NDUFV3: variants seen among roughly 807,000 people sequenced by gnomAD.
NDUFV3 encodes NADH dehydrogenase [ubiquinone] flavoprotein 3, mitochondrial.
A neutral mutation model predicts 37.5 loss-of-function variants in NDUFV3; 44 were observed. The ratio of observed to expected loss-of-function variants is 1.17; its 90% CI spans 0.92 to 1.51. The LOEUF (loss-of-function observed/expected upper bound fraction) is 1.51, where lower values mean the gene tolerates loss of function less well. NDUFV3 is among the 40% of genes most tolerant of loss of function. The probability of loss-of-function intolerance (pLI) is 0.00; values close to 1 mark genes in which losing one functional copy is unlikely to be tolerated. For synonymous variants in NDUFV3, 235 were observed against 239.3 expected, an observed-to-expected ratio of 0.98 and a Z score of 0.17; for missense variants, 580 against 580.4, an observed-to-expected ratio of 1.00 and a Z score of 0.01.
intron 3 of NDUFV3, chr21:42,906,913 G>A (rs541661571): frequency 1.5e-4 from 77 of 515,174 alleles, no homozygotes; most frequent in African/African-American, 1.4e-3. Flanking sequence ...ATGAGACATC[G>A]TTTTTGCTTA....
At chr21:42,894,342 A>G (rs1466812902) in intron 1 of NDUFV3, among the ~76,000 whole-genome samples, 1 of 52,108 alleles carries the variant, frequency 1.9e-5, no homozygotes, top group Admixed American at 2.1e-4. Flanking sequence ...TATTATATAT[A>G]TTATATATAA....
chr21:42,905,580 A>G (rs1429691819), intron 3 of NDUFV3, among the ~76,000 whole-genome samples: 1 of 152,138 alleles, frequency 6.6e-6, no homozygotes. Flanking sequence ...CAATGGCGCA[A>G]TCTTGGCTCA....
intron 2 of NDUFV3, among the ~76,000 whole-genome samples, chr21:42,901,621 C>T (rs1036707462): frequency 2.6e-5 from 4 of 151,118 alleles, no homozygotes; most frequent in Non-Finnish European, 5.9e-5. Context: ...AAAAAGAAAA[C>T]GAAATTTTAC....
rs1330245946 is a variant in NDUFV3 at position 42,903,484 on chromosome 21, A to G, written c.472A>G (p.Ser158Gly). ...GTCGCCTTCGTCTTCATCCTCTTCC[A>G]GCTCCTCTGATTCTGAATCTGATGA... ...VTSPSSSSSS[S>G]SSDSESDDEA... Residue 158 changes from serine to glycine, a missense_variant, in exon 3 of 4, where the codon AGC becomes GGC. Physicochemically the swap from Ser to Gly is moderately conservative, Grantham distance 56 (BLOSUM62 0). Coordinates refer to ENST00000354250, the MANE Select transcript of NDUFV3 (RefSeq NM_021075.4). 10 of 1,613,956 alleles carry G rather than the reference A, an allele frequency of 6.2e-6. No individual in the cohort carries two copies. Among genetic ancestry groups the G allele is most frequent in the Non-Finnish European group, 6.8e-6 (8 of 1,179,944 alleles).
At position 42,893,343 on chromosome 21, in the gene NDUFV3, C is replaced by T. The variant is rs573166856; in HGVS notation, c.10C>T (p.Pro4Ser). 307 of 1,538,506 alleles carry T rather than the reference C, an allele frequency of 2.0e-4. No homozygotes were observed. The African/African-American group carries it at 3.4e-3, about 17-fold the overall frequency. ...GCCCGCTGTCACCGCCATGGCTGCC[C>T]CGTGTTTGCTGCGGCAAGGACGAGC... is the stretch of plus-strand genomic sequence containing the variant. The part of the protein sequence containing the change: MAA[P>S]CLLRQGRAGA... The change falls in exon 1 of 4, where the codon CCG (proline) becomes TCG (serine). Residue 4 changes from proline (P) to serine (S), a missense_variant. Coordinates refer to ENST00000354250, the MANE Select transcript of NDUFV3 (RefSeq NM_021075.4).
At position 42,903,125 on chromosome 21, in the gene NDUFV3, T is replaced by G. The variant is rs1406508631; in HGVS notation, c.170-57T>G. The G allele has an allele frequency of 2.5e-6, 4 of 1,603,794 alleles. No individual in the cohort carries two copies. The East Asian group carries it at 9.0e-5, about 36-fold the overall frequency. ...AATGTGTCATGAAATGTCTGTAATT[T>G]TGACTGAGTTTTAAGTTGTTTTGTT... On this transcript the variant is annotated intron_variant, in intron 2 of 3. Transcript: ENST00000354250.
Position 42,903,564 on chromosome 21 carries a change from G to T in NDUFV3, c.552G>T (p.Gly184=), listed in dbSNP as rs777087870. Residue 184 remains glycine, a synonymous_variant, in exon 3 of 4, where the codon GGG becomes GGT. Coordinates refer to ENST00000354250, the MANE Select transcript of NDUFV3 (RefSeq NM_021075.4). ...TPRVVSKGRG[G]LRKPEASHSF... is the part of the protein sequence containing the mutation. The stretch of plus-strand genomic sequence containing the variant: ...GAGTGGTGAGCAAAGGCAGAGGGGG[G>T]CTTCGAAAACCAGAGGCCTCTCATT... 6.2e-7 allele frequency: 1 copy of T among 1,613,808 alleles called. No homozygotes were observed. The highest frequency in any genetic ancestry group is 1.3e-5 in the African/African-American group (1 of 74,906).
chr21:42,894,501 T>C (rs1192572586), intron 1 of NDUFV3, among the ~76,000 whole-genome samples: 1 of 84,560 alleles, frequency 1.2e-5, no homozygotes, highest in Non-Finnish European at 2.2e-5. Flanking sequence ...ATATAATATA[T>C]AATATATATT....
chr21:42,900,131 C>T (rs113677451), intron 2 of NDUFV3, among the ~76,000 whole-genome samples: 8,549 of 150,946 alleles, frequency 0.057, 348 homozygotes, highest in Non-Finnish European at 0.088. Context: ...CCCAGGAGGT[C>T]GAGGTTGTAG....
Position 42,909,228 on chromosome 21 carries a change from G to T in NDUFV3, c.*207G>T. The T allele has an allele frequency of 2.1e-6, 1 of 485,582 alleles. No homozygotes were observed. Among genetic ancestry groups the T allele is most frequent in the South Asian group, 2.1e-5 (1 of 48,560 alleles). 30.1% of individuals were successfully genotyped at this position (485,582 alleles called of 1,614,324 possible). On this transcript the variant is annotated 3_prime_UTR_variant, in exon 4 of 4. Transcript: ENST00000354250. ...ACATTCTCGGCTCACTGCAACTTCC[G>T]CCTCCTGGGTTCAAGTGATTCTCCC...
In NDUFV3 at chr21:42,904,291, G is replaced by A. The variant is rs371773118; in HGVS notation, c.1264+15G>A. ...CGGCACACAGGGTATACCTTGACTCGCGCTCCCAAGTGCACCCTGTCCCTT... is the reference window on the plus strand; with the variant it reads ...CGGCACACAGGGTATACCTTGACTCACGCTCCCAAGTGCACCCTGTCCCTT... On this transcript the variant is annotated intron_variant, in intron 3 of 3. Coordinates refer to ENST00000354250, the MANE Select transcript of NDUFV3 (RefSeq NM_021075.4). 43 of 1,575,184 alleles carry A rather than the reference G, an allele frequency of 2.7e-5. No homozygotes were observed. The African/African-American group carries it at 5.1e-4, about 19-fold the overall frequency.
At chr21:42,894,490 T>C (rs1359968217) in intron 1 of NDUFV3, among the ~76,000 whole-genome samples, 1 of 87,342 alleles carries the variant, frequency 1.1e-5, no homozygotes, top group African/African-American at 5.5e-5. Context: ...TTTATATATT[T>C]ATATAATATA....
chr21:42,899,277 G>GTTTTTTTTTTTT (rs370812043), intron 2 of NDUFV3, among the ~76,000 whole-genome samples: 5 of 141,130 alleles, frequency 3.5e-5, no homozygotes, highest in African/African-American at 8.0e-5. Flanking sequence ...GTTGTATCTT[G>GTTTTTTTTTTTT]TTTTTTTTTG....
At chr21:42,896,374 T>C (rs569899784) in intron 1 of NDUFV3, among the ~76,000 whole-genome samples, 1 of 151,174 alleles carries the variant, frequency 6.6e-6, no homozygotes, top group African/African-American at 2.4e-5. Flanking sequence ...GCCAGGATAG[T>C]CTCGATCTCC....
intron 3 of NDUFV3, among the ~76,000 whole-genome samples, chr21:42,908,342 TC>T (rs1168549240): frequency 6.6e-6 from 1 of 152,218 alleles, no homozygotes; most frequent in Admixed American, 6.5e-5. Context: ...CTATTCCATT[TC>T]TTAAATTGGA....
At chr21:42,896,817 C>G in intron 1 of NDUFV3, 110 bp from the exon 2 acceptor site, 1 of 1,143,236 alleles carries the variant, frequency 8.7e-7, no homozygotes, top group Non-Finnish European at 1.2e-6. Flanking sequence ...CCAGCCTGGA[C>G]GACTGAGAGA....
rs891637587 is a variant in NDUFV3, at chr21:42,903,608, C to T, written c.596C>T (p.Pro199Leu). 12 of 1,613,822 alleles carry T rather than the reference C, an allele frequency of 7.4e-6. No individual in the cohort carries two copies. Among genetic ancestry groups the T allele is most frequent in the South Asian group, 1.1e-5 (1 of 91,076 alleles). The stretch of plus-strand genomic sequence containing the variant: ...TCTCATTCCTTTGAAAACAGAGCCC[C>T]CCGAGTTACAGTATCAGCAAAAGAG... ...EASHSFENRA[P>L]RVTVSAKEKT... The change falls in exon 3 of 4, where the codon CCC (proline) becomes CTC (leucine). Residue 199 changes from proline (P) to leucine (L), a missense_variant. Transcript: ENST00000354250.
At chr21:42,896,826 G>C in intron 1 of NDUFV3, 101 bp from the exon 2 acceptor site, 1 of 1,243,846 alleles carries the variant, frequency 8.0e-7, no homozygotes, top group Non-Finnish European at 1.1e-6. Context: ...ACGACTGAGA[G>C]AGACCCCTGA....
At position 42,903,266 on chromosome 21, in the gene NDUFV3, C is replaced by A; in HGVS notation, c.254C>A (p.Ser85Tyr). The A allele has an allele frequency of 6.2e-7, 1 of 1,614,174 alleles. No homozygotes were observed. Among genetic ancestry groups the A allele is most frequent in the Non-Finnish European group, 8.5e-7 (1 of 1,180,036 alleles). Reference protein sequence around the residue: ...ELSKNLSSPSSYPPAVNKGRK... With the variant: ...ELSKNLSSPSYYPPAVNKGRK... ...TCTAAAAACTTATCTTCACCCAGTTCTTACCCGCCAGCTGTGAATAAGGGC... is the reference window on the plus strand; with the variant it reads ...TCTAAAAACTTATCTTCACCCAGTTATTACCCGCCAGCTGTGAATAAGGGC... Residue 85 changes from serine to tyrosine, a missense_variant, in exon 3 of 4, where the codon TCT (serine) becomes TAT (tyrosine). Physicochemically the swap from Ser to Tyr is moderately radical, Grantham distance 144. Coordinates refer to ENST00000354250, the MANE Select transcript of NDUFV3 (RefSeq NM_021075.4).
Sources: gnomAD v4.1 joint callset for allele counts (sites outside exome capture counted in the v4.1 genomes callset) on GRCh38, gnomAD v4.1.1 for gene constraint, MANE v1.5 for transcripts, NCBI Gene and HGNC (gene_info 2026-07-23, HGNC 2026-07-21) for gene names.